Variants in ERCC6L2 observed in about 807,000 individuals in gnomAD.
ERCC6L2 encodes the protein ERCC excision repair 6 like 2.
A neutral mutation model predicts 132.0 loss-of-function variants in ERCC6L2; 77 were observed. The observed-to-expected ratio is 0.58, with a 90% CI of 0.49 to 0.71. The LOEUF is 0.71. ERCC6L2 is among the 30% of genes least tolerant of loss of function. The pLI is 0.00. For synonymous variants in ERCC6L2, 583 were observed against 632.4 expected (o/e 0.92, Z 1.17); for missense variants, 1,542 against 1,837.6 (o/e 0.84, Z 2.94).
intron 6 of ERCC6L2, chr9:95,918,477 C>G (rs1829706466): frequency 2.0e-6 from 1 of 495,550 alleles, no homozygotes; most frequent in Non-Finnish European, 4.1e-6. Context: ...TCTGTTGGCT[C>G]ATGAAATAGG....
intron 18 of ERCC6L2, among the ~76,000 whole-genome samples, chr9:96,009,769 T>A (rs1321688465): frequency 2.6e-5 from 4 of 152,220 alleles, no homozygotes; most frequent in Non-Finnish European, 5.9e-5. Flanking sequence ...ATGATAATTA[T>A]AGCTTATCCT....
chr9:96,007,220 T>C (rs1378691204), intron 18 of ERCC6L2, among the ~76,000 whole-genome samples: 3 of 152,186 alleles, frequency 2.0e-5, no homozygotes, highest in African/African-American at 7.2e-5. Context: ...GCTGGAGCCT[T>C]AGATGACTAA....
At position 96,017,242 on chromosome 9, in the gene ERCC6L2, G is replaced by A. The variant is rs865834412; in HGVS notation, c.*4039G>A. Among the ~76,000 whole-genome samples the A allele has an allele frequency of 1.3e-5, 2 of 152,084 alleles. No individual in the cohort carries two copies. Among genetic ancestry groups the A allele is most frequent in the African/African-American group, 4.8e-5 (2 of 41,390 alleles). On this transcript the variant is annotated 3_prime_UTR_variant, in exon 19 of 19. Coordinates refer to ENST00000653738, the MANE Select transcript of ERCC6L2 (RefSeq NM_020207.7). ...AGCCCCTGTACACTGTGGCATGTAC[G>A]GCTGGCTCCACTTGGTATTTGTTGC...
At chr9:95,956,209 T>C (rs1831591922) in intron 13 of ERCC6L2, among the ~76,000 whole-genome samples, 196 bp downstream of exon 13, 1 of 152,226 alleles carries the variant, frequency 6.6e-6, no homozygotes, top group African/African-American at 2.4e-5. Flanking sequence ...GAAAGTTTTC[T>C]AGAGCAGTAC....
chr9:95,981,894 G>A (rs1450436756), intron 17 of ERCC6L2, among the ~76,000 whole-genome samples: 1 of 152,162 alleles, frequency 6.6e-6, no homozygotes, highest in Non-Finnish European at 1.5e-5. Context: ...GGTGACTGAA[G>A]GGGGAGGATG....
chr9:95,903,668 A>G (rs1828889631), intron 3 of ERCC6L2, among the ~76,000 whole-genome samples: 1 of 152,154 alleles, frequency 6.6e-6, no homozygotes, highest in African/African-American at 2.4e-5. Flanking sequence ...GAATGAATTA[A>G]TAATTGAAGC....
intron 17 of ERCC6L2, among the ~76,000 whole-genome samples, chr9:95,992,304 A>G (rs936922473): frequency 2.0e-5 from 3 of 152,328 alleles, no homozygotes; most frequent in African/African-American, 7.2e-5. Flanking sequence ...CACACAAACA[A>G]AAACTCCTTG....
At chr9:95,924,487 A>C (rs1230850053) in intron 9 of ERCC6L2, among the ~76,000 whole-genome samples, 1 of 152,080 alleles carries the variant, frequency 6.6e-6, no homozygotes, top group East Asian at 1.9e-4. Flanking sequence ...AAATTAAAAT[A>C]TATAAAAAGT....
intron 9 of ERCC6L2, among the ~76,000 whole-genome samples, chr9:95,926,867 A>T (rs1377338469): frequency 6.6e-6 from 1 of 152,072 alleles, no homozygotes; most frequent in Non-Finnish European, 1.5e-5. Context: ...TATATTTTCT[A>T]ATAATATTAT....
chr9:95,990,034 G>T (rs900727507), intron 17 of ERCC6L2, among the ~76,000 whole-genome samples: 1 of 152,176 alleles, frequency 6.6e-6, no homozygotes, highest in East Asian at 1.9e-4. Flanking sequence ...AGGCACATAG[G>T]GGGTTAAGAA....
intron 16 of ERCC6L2, among the ~76,000 whole-genome samples, chr9:95,975,716 G>A (rs1351167941): frequency 1.3e-5 from 2 of 151,836 alleles, no homozygotes; most frequent in Non-Finnish European, 2.9e-5. Context: ...CAGATGTTCA[G>A]TCTTCTTTGC....
intron 19 of ERCC6L2, among the ~76,000 whole-genome samples, chr9:96,030,874 C>T (rs1335461504): frequency 6.6e-6 from 1 of 152,158 alleles, no homozygotes; most frequent in Non-Finnish European, 1.5e-5. Context: ...ACCTTCTGAG[C>T]CTTCATTCCT....
At chr9:95,923,768 T>C (rs1387481118) in intron 9 of ERCC6L2, among the ~76,000 whole-genome samples, 1 of 152,154 alleles carries the variant, frequency 6.6e-6, no homozygotes, top group African/African-American at 2.4e-5. Context: ...ACCTTGGAAT[T>C]AGAGAAAGGA....
intron 17 of ERCC6L2, among the ~76,000 whole-genome samples, chr9:95,987,698 TTATGGGG>T (rs1833147417): frequency 6.6e-6 from 1 of 152,238 alleles, no homozygotes; most frequent in East Asian, 1.9e-4. Context: ...GGATCTACCA[TTATGGGG>T]CCTGGAGTAT....
At chr9:96,005,462 A>C (rs1261928150) in intron 18 of ERCC6L2, among the ~76,000 whole-genome samples, 1 of 152,060 alleles carries the variant, frequency 6.6e-6, no homozygotes, top group Non-Finnish European at 1.5e-5. Context: ...GGGAGGGGAC[A>C]TGGAACCACC....
intron 9 of ERCC6L2, among the ~76,000 whole-genome samples, chr9:95,926,643 G>A (rs375681552): frequency 2.6e-5 from 4 of 152,094 alleles, no homozygotes; most frequent in East Asian, 1.9e-4. Context: ...GAATGAGTAG[G>A]TGAAGCACAA....
intron 12 of ERCC6L2, among the ~76,000 whole-genome samples, chr9:95,950,838 A>T (rs1180213575): frequency 2.0e-5 from 3 of 152,210 alleles, no homozygotes; most frequent in Admixed American, 2.0e-4. Flanking sequence ...TGAAGCAAAC[A>T]TTGACAGAAT....
chr9:95,914,452 C>G (rs1464264869), intron 4 of ERCC6L2, among the ~76,000 whole-genome samples: 1 of 152,044 alleles, frequency 6.6e-6, no homozygotes, highest in African/African-American at 2.4e-5. Flanking sequence ...CTCCCTGGTT[C>G]AAGTGATTCT....
At chr9:96,028,994 A>C (rs986278639) in intron 19 of ERCC6L2, among the ~76,000 whole-genome samples, 4 of 152,172 alleles carry the variant, frequency 2.6e-5, no homozygotes, top group Non-Finnish European at 2.9e-5. Flanking sequence ...CAGCAAAACT[A>C]ACCTATGTTG....
Sources: allele counts gnomAD v4.1 joint callset (sites outside exome capture counted in the v4.1 genomes callset), GRCh38; gene constraint gnomAD v4.1.1; transcripts MANE v1.5; gene names NCBI Gene and HGNC (gene_info 2026-07-23, HGNC 2026-07-21).